The following SPAG16 variants were observed in gnomAD, a reference collection of about 807,000 sequenced individuals.
SPAG16 encodes the protein sperm-associated antigen 16 protein.
Under a neutral mutation model 80.4 loss-of-function variants are expected in SPAG16, and 86 were observed. The observed-to-expected ratio is 1.07, with a 90% CI of 0.90 to 1.28. SPAG16 has a LOEUF of 1.28. Among genes scored for constraint, SPAG16 ranks in the 50% most tolerant of loss-of-function variants. The pLI, the probability that SPAG16 is intolerant of heterozygous loss-of-function variation, is 0.00. For missense variants in SPAG16, 870 were observed against 765.3 expected (o/e 1.14, Z -1.61); for synonymous variants, 294 against 265.9 (o/e 1.11, Z -1.03).
chr2:213,684,372 C>G (rs1376682437), intron 10 of SPAG16, among the ~76,000 whole-genome samples: 1 of 152,132 alleles, frequency 6.6e-6, no homozygotes, highest in Non-Finnish European at 1.5e-5. Context: ...AAAATTAGAT[C>G]AGAGCATACA....
chr2:213,988,234 C>T (rs1264152826), intron 12 of SPAG16, among the ~76,000 whole-genome samples: 6 of 152,036 alleles, frequency 3.9e-5, no homozygotes, highest in African/African-American at 1.4e-4. Context: ...ACTTGAACAG[C>T]ACTATCAGCC....
intron 13 of SPAG16, among the ~76,000 whole-genome samples, chr2:214,077,992 C>T (rs748689060): frequency 1.6e-4 from 25 of 152,250 alleles, no homozygotes; most frequent in Non-Finnish European, 3.7e-4. Context: ...TTAAGTAAAG[C>T]GTTTGCACAT....
Position 213,472,508 on chromosome 2 carries a change from G to A in SPAG16, c.943-17455G>A, listed in dbSNP as rs990815497. Among the ~76,000 whole-genome samples, 12 of 152,254 alleles carry A rather than the reference G, an allele frequency of 7.9e-5. 1 individual carries two copies. Among genetic ancestry groups the A allele is most frequent in the African/African-American group, 1.2e-4 (5 of 41,542 alleles). ...GTCCTTGATGGTGGCACTAATCTCC[G>A]CAGTCCCTCCAGGGATATGGTATTG... On this transcript the variant is annotated intron_variant, in intron 9 of 15. Coordinates refer to ENST00000331683, the MANE Select transcript of SPAG16 (RefSeq NM_024532.5).
At chr2:213,443,106 G>T (rs764453829) in intron 9 of SPAG16, among the ~76,000 whole-genome samples, 14 of 152,056 alleles carry the variant, frequency 9.2e-5, no homozygotes, top group South Asian at 2.1e-4. Flanking sequence ...ATAGTAAAAT[G>T]ATTACTACAG....
chr2:213,799,857 C>G (rs183746663), intron 10 of SPAG16, among the ~76,000 whole-genome samples: 26 of 151,046 alleles, frequency 1.7e-4, no homozygotes, highest in Non-Finnish European at 3.2e-4. Context: ...AAACATATAA[C>G]TACTATAACA....
intron 13 of SPAG16, among the ~76,000 whole-genome samples, chr2:214,055,393 T>C (rs1012347581): frequency 1.3e-5 from 2 of 152,116 alleles, no homozygotes; most frequent in Non-Finnish European, 2.9e-5. Context: ...CACTTTTAAG[T>C]ATATAAAGAA....
chr2:214,166,425 G>A (rs1236983871), intron 15 of SPAG16, among the ~76,000 whole-genome samples: 2 of 152,190 alleles, frequency 1.3e-5, no homozygotes, highest in African/African-American at 2.4e-5. Flanking sequence ...CCCCGGGCTC[G>A]GGTGCACTTG....
chr2:213,554,014 C>G (rs934003096), intron 10 of SPAG16, among the ~76,000 whole-genome samples: 18 of 152,290 alleles, frequency 1.2e-4, no homozygotes, highest in Admixed American at 1.1e-3. Flanking sequence ...TCATGTTTGC[C>G]CATGCTTCAG....
At chr2:213,323,625 A>C (rs1406566273) in intron 5 of SPAG16, among the ~76,000 whole-genome samples, 1 of 152,214 alleles carries the variant, frequency 6.6e-6, no homozygotes, top group Non-Finnish European at 1.5e-5. Flanking sequence ...CTGGGTATTT[A>C]TTTGAAGTGA....
chr2:213,956,351 T>G (rs969308399), intron 12 of SPAG16, among the ~76,000 whole-genome samples: 1 of 152,078 alleles, frequency 6.6e-6, no homozygotes, highest in Non-Finnish European at 1.5e-5. Context: ...TTAGGCTTAG[T>G]TTGTTCTTAT....
intron 12 of SPAG16, among the ~76,000 whole-genome samples, chr2:213,950,310 A>G (rs867903334): frequency 2.0e-5 from 3 of 151,954 alleles, no homozygotes; most frequent in Non-Finnish European, 4.4e-5. Flanking sequence ...CGAGATTTGG[A>G]AAAAAAACCT....
intron 15 of SPAG16, among the ~76,000 whole-genome samples, chr2:214,235,837 G>T (rs1689037211): frequency 6.6e-6 from 1 of 151,944 alleles, no homozygotes; most frequent in African/African-American, 2.4e-5. Context: ...ATGTATTATA[G>T]CTATGACAAC....
intron 15 of SPAG16, among the ~76,000 whole-genome samples, chr2:214,370,803 A>T (rs1699765570): frequency 6.6e-6 from 1 of 152,198 alleles, no homozygotes; most frequent in Non-Finnish European, 1.5e-5. Flanking sequence ...TTGTTTATGG[A>T]TGCCATTTTA....
chr2:214,322,712 G>C (rs951496760), intron 15 of SPAG16, among the ~76,000 whole-genome samples: 1 of 152,058 alleles, frequency 6.6e-6, no homozygotes, highest in Non-Finnish European at 1.5e-5. Context: ...TCTACCACCA[G>C]AAAAATACTA....
rs139502464 is a variant in SPAG16, at chr2:213,703,303, T to C, written c.1071-159182T>C. Among the ~76,000 whole-genome samples the C allele has an allele frequency of 4.4e-3, 666 of 152,344 alleles. 8 individuals are homozygous for C. The highest frequency in any genetic ancestry group is 0.015 in the African/African-American group (630 of 41,580). On this transcript the variant is annotated intron_variant, in intron 10 of 15. Coordinates refer to ENST00000331683, the MANE Select transcript of SPAG16 (RefSeq NM_024532.5). ...GTTTGCTCAAAGATTATTAGGAACT[T>C]GGCTGTCCTGTTCTCCAGCATTGTC...
At chr2:213,966,660 T>C (rs918054836) in intron 12 of SPAG16, among the ~76,000 whole-genome samples, 2 of 152,222 alleles carry the variant, frequency 1.3e-5, no homozygotes, top group East Asian at 3.8e-4. Flanking sequence ...GGTATACATA[T>C]ATGTCTATAA....
At chr2:213,590,434 A>G (rs900944928) in intron 10 of SPAG16, among the ~76,000 whole-genome samples, 5 of 151,560 alleles carry the variant, frequency 3.3e-5, no homozygotes. Flanking sequence ...AAGAACTTCA[A>G]CAAAACAACA....
chr2:214,007,982 C>A (rs1377657332), intron 12 of SPAG16, among the ~76,000 whole-genome samples: 2 of 152,078 alleles, frequency 1.3e-5, no homozygotes, highest in African/African-American at 2.4e-5. Flanking sequence ...CTTCTCTTCA[C>A]CCCTCTCTGA....
At chr2:214,120,589 C>G (rs1364156938) in intron 14 of SPAG16, among the ~76,000 whole-genome samples, 1 of 151,820 alleles carries the variant, frequency 6.6e-6, no homozygotes, top group Non-Finnish European at 1.5e-5. Context: ...TGAAACTCTT[C>G]TTGAGCTCTG....
Sources: allele counts gnomAD v4.1 joint callset (sites outside exome capture counted in the v4.1 genomes callset), GRCh38; gene constraint gnomAD v4.1.1; transcripts MANE v1.5; gene names NCBI Gene and HGNC (gene_info 2026-07-23, HGNC 2026-07-21).